Variants in GRM7 observed in about 807,000 individuals in gnomAD.
GRM7 encodes glutamate metabotropic receptor 7.
Under a neutral mutation model 84.5 loss-of-function variants are expected in GRM7, and 35 were observed. The ratio of observed to expected loss-of-function variants is 0.41; its 90% confidence interval spans 0.32 to 0.55. The LOEUF (loss-of-function observed/expected upper bound fraction) is 0.55. Ranked by LOEUF, GRM7 falls within the 20% of genes least tolerant of loss-of-function variation. The pLI is 0.19. For synonymous variants in GRM7, 487 were observed against 455.1 expected, an observed-to-expected ratio of 1.07 and a Z score of -0.89; for missense variants, 1,003 against 1,194.6, an observed-to-expected ratio of 0.84 and a Z score of 2.36.
intron 1 of GRM7, among the ~76,000 whole-genome samples, chr3:7,071,260 A>G (rs1015547524): frequency 2.0e-5 from 3 of 152,104 alleles, no homozygotes; most frequent in African/African-American, 7.2e-5. Flanking sequence ...AGGGCATAGA[A>G]AGAGTTGATG....
intron 1 of GRM7, among the ~76,000 whole-genome samples, chr3:7,103,726 C>T (rs1379347005): frequency 6.7e-6 from 1 of 148,642 alleles, no homozygotes; most frequent in African/African-American, 2.6e-5. Context: ...TTTGTTTTCT[C>T]TCTTTTTCTC....
At chr3:6,866,545 G>T (rs1516565) in intron 1 of GRM7, among the ~76,000 whole-genome samples, 6,060 of 152,134 alleles carry the variant, frequency 0.04, 166 homozygotes, top group Non-Finnish European at 0.058. Context: ...GACTGCTTTT[G>T]TATTATCTTA....
intron 1 of GRM7, among the ~76,000 whole-genome samples, chr3:7,016,757 C>G (rs567072861): frequency 6.6e-6 from 1 of 152,018 alleles, no homozygotes; most frequent in Non-Finnish European, 1.5e-5. Flanking sequence ...CAATATGTGA[C>G]GTATTCATTT....
intron 4 of GRM7, among the ~76,000 whole-genome samples, chr3:7,362,770 C>T (rs1397342302): frequency 5.3e-5 from 8 of 152,020 alleles, no homozygotes; most frequent in Non-Finnish European, 1.0e-4. Context: ...GATATCAGTC[C>T]TACTGCCTGA....
At chr3:7,187,968 G>A (rs371041120) in intron 2 of GRM7, among the ~76,000 whole-genome samples, 3 of 152,202 alleles carry the variant, frequency 2.0e-5, no homozygotes, top group South Asian at 4.2e-4. Flanking sequence ...GATGTCCAAG[G>A]ATATCATTAA....
chr3:7,430,970 T>G (rs2124848314), intron 5 of GRM7, among the ~76,000 whole-genome samples: 1 of 152,282 alleles, frequency 6.6e-6, no homozygotes, highest in South Asian at 2.1e-4. Context: ...GCCTTCTGCA[T>G]CCACCTAGAC....
chr3:7,299,424 G>A (rs1232397440), intron 3 of GRM7, among the ~76,000 whole-genome samples: 1 of 152,034 alleles, frequency 6.6e-6, no homozygotes, highest in Non-Finnish European at 1.5e-5. Context: ...TACCAACCTG[G>A]TCCGGAGTCC....
At chr3:7,631,201 T>C (rs887417409) in intron 8 of GRM7, among the ~76,000 whole-genome samples, 4 of 152,216 alleles carry the variant, frequency 2.6e-5, no homozygotes, top group African/African-American at 9.6e-5. Flanking sequence ...AGCTGGGCTC[T>C]TTGTACTTTC....
intron 1 of GRM7, among the ~76,000 whole-genome samples, chr3:6,997,016 T>A (rs1366786432): frequency 6.6e-6 from 1 of 152,206 alleles, no homozygotes; most frequent in Non-Finnish European, 1.5e-5. Context: ...AGTAAGAAGT[T>A]ATGATTAAAA....
At chr3:7,115,524 C>G (rs1693001564) in intron 1 of GRM7, among the ~76,000 whole-genome samples, 1 of 152,056 alleles carries the variant, frequency 6.6e-6, no homozygotes, top group South Asian at 2.1e-4. Flanking sequence ...TGACAAGAGC[C>G]TTTTTCTCAA....
At position 7,108,045 on chromosome 3, in the gene GRM7, A is replaced by G. The variant is rs375032487; in HGVS notation, c.520-38407A>G. 5.3e-5 allele frequency among the ~76,000 whole-genome samples: 8 copies of G among 152,172 alleles called. No individual in the cohort carries two copies. In the South Asian group the frequency reaches 1.5e-3, roughly 28 times the overall value. ...AATATGTGAGCCTTTACAGAGTAGT[A>G]CTAACTGTAATTCACTGTACCAAGC... On this transcript the variant is annotated intron_variant, in intron 1 of 9. Coordinates refer to ENST00000357716, the MANE Select transcript of GRM7 (RefSeq NM_000844.4).
chr3:7,740,593 G>A lies in GRM7; in HGVS notation c.*187G>A, dbSNP rs1375979862. 3 of 448,868 alleles carry A rather than the reference G, an allele frequency of 6.7e-6. No individual in the cohort carries two copies. Among genetic ancestry groups the A allele is most frequent in the Non-Finnish European group, 1.2e-5 (3 of 253,502 alleles). The allele number at this position is 448,868 out of a possible 1,614,324, so 27.8% of individuals were successfully genotyped here. ...TATGAAATATCCTTACTTTATCTGG[G>A]CTTAATAAGTCACTGACATCAGCAC... is the stretch of plus-strand genomic sequence containing the variant. On this transcript the variant is annotated 3_prime_UTR_variant, in exon 10 of 10. Transcript: ENST00000357716.
At chr3:6,890,083 C>T (rs1045059288) in intron 1 of GRM7, among the ~76,000 whole-genome samples, 2 of 152,054 alleles carry the variant, frequency 1.3e-5, no homozygotes, top group African/African-American at 4.8e-5. Flanking sequence ...GTGATATCCC[C>T]TTTATCATTT....
chr3:7,625,214 C>T (rs1048144087), intron 8 of GRM7, among the ~76,000 whole-genome samples: 2 of 152,014 alleles, frequency 1.3e-5, no homozygotes, highest in African/African-American at 4.8e-5. Context: ...TGTACTGAGG[C>T]CAGCAATGCG....
At chr3:6,954,055 A>C in intron 1 of GRM7, among the ~76,000 whole-genome samples, 1 of 146,548 alleles carries the variant, frequency 6.8e-6, no homozygotes, top group Non-Finnish European at 1.5e-5. Flanking sequence ...TTCTTCAACA[A>C]AAAAAATTGG....
chr3:6,881,731 A>T (rs1695517063), intron 1 of GRM7, among the ~76,000 whole-genome samples: 4 of 152,186 alleles, frequency 2.6e-5, no homozygotes, highest in Admixed American at 2.6e-4. Flanking sequence ...TCAAATATAC[A>T]TTCTTATAAA....
chr3:7,587,216 A>G (rs1177462092), intron 8 of GRM7, among the ~76,000 whole-genome samples: 4 of 152,044 alleles, frequency 2.6e-5, no homozygotes, highest in Non-Finnish European at 5.9e-5. Context: ...TTTTTTCTTG[A>G]AATGTAATCA....
chr3:7,429,602 C>T (rs2124845499), intron 5 of GRM7, among the ~76,000 whole-genome samples: 1 of 151,966 alleles, frequency 6.6e-6, no homozygotes, highest in South Asian at 2.1e-4. Flanking sequence ...GTAGAGTTGG[C>T]AGAGCTGGTA....
intron 5 of GRM7, among the ~76,000 whole-genome samples, chr3:7,436,811 G>C (rs960196984): frequency 6.6e-6 from 1 of 152,078 alleles, no homozygotes; most frequent in Non-Finnish European, 1.5e-5. Flanking sequence ...TCAAGTATTT[G>C]GGCACACATG....
Sources: allele counts gnomAD v4.1 joint callset (sites outside exome capture counted in the v4.1 genomes callset), GRCh38; gene constraint gnomAD v4.1.1; transcripts MANE v1.5; gene names NCBI Gene and HGNC (gene_info 2026-07-23, HGNC 2026-07-21).